Variants in WDR75 observed in about 807,000 individuals in gnomAD.
WDR75 encodes the protein WD repeat domain 75, also known as WD repeat-containing protein 75.
A neutral mutation model predicts 106.1 loss-of-function variants in WDR75; 52 were observed. The observed-to-expected ratio is 0.49, with a 90% CI of 0.39 to 0.62. The LOEUF (loss-of-function observed/expected upper bound fraction) is 0.62. WDR75 is among the 20% of genes least tolerant of loss of function. The probability of loss-of-function intolerance (pLI) is 0.00; values close to 1 mark genes in which losing one functional copy is unlikely to be tolerated. For missense variants in WDR75, 905 were observed against 970.3 expected (o/e 0.93, Z 0.89); for synonymous variants, 333 against 335.5 (o/e 0.99, Z 0.08).
In WDR75 at chr2:189,455,661, TA is replaced by T. The variant is rs1007453898; in HGVS notation, c.498+220del. 12 of 437,194 alleles carry T rather than the reference TA, an allele frequency of 2.7e-5. 1 individual carries two copies. The highest frequency in any genetic ancestry group is 2.3e-4 in the Admixed American group (6 of 25,580). 27.1% of individuals were successfully genotyped at this position (437,194 alleles called of 1,614,324 possible). Reference sequence around the variant, plus strand: ...TGTGTGTTCTGTCCTATTGCCTTTGTAAACTCTCTTAGACTATGTGTCTTTA... The same window carrying T: ...TGTGTGTTCTGTCCTATTGCCTTTGTAACTCTCTTAGACTATGTGTCTTTA... On this transcript the variant is annotated intron_variant, in intron 5 of 20. Coordinates refer to ENST00000314761, the MANE Select transcript of WDR75 (RefSeq NM_032168.3).
intron 7 of WDR75, among the ~76,000 whole-genome samples, 183 bp downstream of exon 7, chr2:189,459,055 TG>T (rs775022404): frequency 5.1e-4 from 77 of 152,240 alleles, no homozygotes; most frequent in Non-Finnish European, 7.3e-4. Flanking sequence ...AAACATTTTT[TG>T]TTGCCTGTAA....
At chr2:189,458,977 T>G (rs1025645775) in intron 7 of WDR75, 105 bp downstream of exon 7, 14 of 1,311,066 alleles carry the variant, frequency 1.1e-5, no homozygotes, top group Non-Finnish European at 1.4e-5. Context: ...TCCCTTTCCT[T>G]TTTTGTGTGC....
In WDR75 at chr2:189,448,635, G is replaced by A. The variant is rs183482891; in HGVS notation, c.216+127G>A. 904 of 1,278,806 alleles carry A rather than the reference G, an allele frequency of 7.1e-4. 1 individual carries two copies. The highest frequency in any genetic ancestry group is 9.5e-4 in the South Asian group (69 of 72,788). 79.2% of individuals were successfully genotyped at this position (1,278,806 alleles called of 1,614,324 possible). ...ATATTTGCTTATTTTCAGTTGTAGG[G>A]TATTTTCCACTTGCTAAATTACATT... is the stretch of plus-strand genomic sequence containing the variant. On this transcript the variant is annotated intron_variant, in intron 2 of 20. Transcript: ENST00000314761.
chr2:189,474,520 G>A (rs769988360), intron 19 of WDR75, among the ~76,000 whole-genome samples, 188 bp downstream of exon 19: 2 of 152,188 alleles, frequency 1.3e-5, no homozygotes, highest in Non-Finnish European at 2.9e-5. Context: ...CTGGTGTAGG[G>A]ATAGGGGTGG....
intron 1 of WDR75, among the ~76,000 whole-genome samples, chr2:189,444,648 T>G (rs998099312): frequency 1.3e-5 from 2 of 152,254 alleles, no homozygotes; most frequent in African/African-American, 4.8e-5. Flanking sequence ...CCTAAGTTGT[T>G]ACTGTTATAA....
At chr2:189,451,002 A>G in intron 3 of WDR75, 34 bp downstream of exon 3, 1 of 1,577,654 alleles carries the variant, frequency 6.3e-7, no homozygotes, top group African/African-American at 1.4e-5. Context: ...TCGTTATGTG[A>G]ATAAAAAAAG....
At chr2:189,448,541 AC>A in intron 2 of WDR75, 33 bp downstream of exon 2, 8 of 1,601,870 alleles carry the variant, frequency 5.0e-6, no homozygotes, top group Non-Finnish European at 6.8e-6. Flanking sequence ...ATACTTTAAG[AC>A]TGGCTTTGTT....
At position 189,459,411 on chromosome 2, in the gene WDR75, T is replaced by C. The variant is rs746742473; in HGVS notation, c.765T>C (p.Ala255=). The C allele has an allele frequency of 6.2e-7, 1 of 1,611,962 alleles. No individual in the cohort carries two copies. The highest frequency in any genetic ancestry group is 2.2e-5 in the East Asian group (1 of 44,738). The change falls in exon 8 of 21, where the codon GCT becomes GCC. Residue 255 remains alanine, a synonymous_variant. Transcript: ENST00000314761. Reference sequence around the variant, plus strand: ...ACCATGATATGGTTATGGATTTGGCTTTTTCAGTGACAGGTAAGTGCGGGT... The same window carrying C: ...ACCATGATATGGTTATGGATTTGGCCTTTTCAGTGACAGGTAAGTGCGGGT... ...HWHHDMVMDL[A]FSVTGTSLLS...
At chr2:189,466,610 AGT>A (rs1687006411) in intron 13 of WDR75, 28 bp downstream of exon 13, 1 of 1,577,180 alleles carries the variant, frequency 6.3e-7, no homozygotes, top group East Asian at 2.3e-5. Flanking sequence ...TTATGTTTAA[AGT>A]GTGCACAATT....
At position 189,458,831 on chromosome 2, in the gene WDR75, C is replaced by T. The variant is rs2105562403; in HGVS notation, c.648C>T (p.Asp216=). 6.2e-7 allele frequency: 1 copy of T among 1,608,608 alleles called. No homozygotes were observed. Among genetic ancestry groups the T allele is most frequent in the Non-Finnish European group, 8.5e-7 (1 of 1,177,690 alleles). The change falls in exon 7 of 21, where the codon GAC becomes GAT. Residue 216 remains aspartate (D), a synonymous_variant. Coordinates refer to ENST00000314761, the MANE Select transcript of WDR75 (RefSeq NM_032168.3). ...FTCVACHPTE[D]CIASGHMDGK... ...GTGTAGCATGTCACCCAACGGAAGACTGCATCGCATCTGGTCACATGGATG... is the reference window on the plus strand; with the variant it reads ...GTGTAGCATGTCACCCAACGGAAGATTGCATCGCATCTGGTCACATGGATG...
At chr2:189,462,315 A>G (rs16831444) in intron 8 of WDR75, among the ~76,000 whole-genome samples, 169 bp from the exon 9 acceptor site, 3,660 of 152,312 alleles carry the variant, frequency 0.024, 159 homozygotes, top group African/African-American at 0.084. Flanking sequence ...TTCCTGAACC[A>G]GTGATCATTT....
chr2:189,468,682 C>T, intron 15 of WDR75, 113 bp downstream of exon 15: 1 of 1,026,924 alleles, frequency 9.7e-7, no homozygotes, highest in Non-Finnish European at 1.5e-6. Context: ...TTGGAATAGT[C>T]AGTTTTTTAC....
At chr2:189,449,667 G>A in intron 2 of WDR75, 5 of 1,002,680 alleles carry the variant, frequency 5.0e-6, no homozygotes, top group Non-Finnish European at 6.0e-6. Context: ...AGGAGTCACA[G>A]TGTTTGTGTA....
At chr2:189,441,966 T>G (rs1686379009) in intron 1 of WDR75, among the ~76,000 whole-genome samples, 2 of 152,204 alleles carry the variant, frequency 1.3e-5, no homozygotes, top group Admixed American at 1.3e-4. Context: ...CCGCTTTTTC[T>G]ACCCACTCCT....
intron 14 of WDR75, 32 bp from the exon 15 acceptor site, chr2:189,468,443 C>G: frequency 6.2e-7 from 1 of 1,604,602 alleles, no homozygotes; most frequent in South Asian, 1.1e-5. Flanking sequence ...CTAGAACTGA[C>G]TGTTGCTAAC....
intron 2 of WDR75, chr2:189,450,082 A>G: frequency 2.1e-6 from 2 of 951,636 alleles, no homozygotes. Flanking sequence ...ACCATTAGTT[A>G]CCATTCTGTA....
intron 9 of WDR75, among the ~76,000 whole-genome samples, chr2:189,463,397 A>G (rs959790367): frequency 3.9e-5 from 6 of 152,124 alleles, no homozygotes; most frequent in Non-Finnish European, 8.8e-5. Context: ...GTTGTTTTGT[A>G]TTCTGGTATA....
chr2:189,445,920 G>A (rs1020783968), intron 1 of WDR75, among the ~76,000 whole-genome samples: 5 of 152,202 alleles, frequency 3.3e-5, no homozygotes, highest in African/African-American at 1.2e-4. Flanking sequence ...GAAGGGTTGC[G>A]TTTAAGTAAT....
chr2:189,470,682 T>C (rs1025685096), intron 17 of WDR75, 137 bp from the exon 18 acceptor site: 6 of 488,684 alleles, frequency 1.2e-5, no homozygotes, highest in Non-Finnish European at 2.1e-5. Flanking sequence ...GGTTTAAATC[T>C]TTTATTCCTT....
Sources: allele counts gnomAD v4.1 joint callset (sites outside exome capture counted in the v4.1 genomes callset), GRCh38; gene constraint gnomAD v4.1.1; transcripts MANE v1.5; gene names NCBI Gene and HGNC (gene_info 2026-07-23, HGNC 2026-07-21).